ARHGAP21: variants seen among roughly 807,000 people sequenced by gnomAD.
ARHGAP21 encodes the protein Rho GTPase activating protein 21, also known as rho GTPase-activating protein 21.
In ARHGAP21, 38 loss-of-function variants were observed where a neutral mutation model predicts 164.6. That is an observed-to-expected ratio of 0.23 (90% CI 0.18 to 0.30). ARHGAP21 has a LOEUF of 0.30. Among genes scored for constraint, ARHGAP21 ranks in the 10% least tolerant of loss-of-function variants. The pLI, the probability that ARHGAP21 is intolerant of heterozygous loss-of-function variation, is 1.00. For synonymous variants in ARHGAP21, 766 were observed against 857.9 expected, an observed-to-expected ratio of 0.89 and a Z score of 1.87; for missense variants, 1,822 against 2,370.7, an observed-to-expected ratio of 0.77 and a Z score of 4.81.
chr10:24,716,764 C>T (rs562450415), intron 2 of ARHGAP21, among the ~76,000 whole-genome samples: 1 of 152,224 alleles, frequency 6.6e-6, no homozygotes, highest in South Asian at 2.1e-4. Context: ...AATCAGTCAA[C>T]CAGATCCACA....
intron 2 of ARHGAP21, among the ~76,000 whole-genome samples, chr10:24,708,817 C>T (rs1024372430): frequency 2.0e-5 from 3 of 152,218 alleles, no homozygotes; most frequent in Middle Eastern, 3.2e-3. Context: ...AAATATACCA[C>T]ATTGTCTTTG....
intron 4 of ARHGAP21, among the ~76,000 whole-genome samples, chr10:24,638,249 A>G (rs190411008): frequency 6.6e-6 from 1 of 152,258 alleles, no homozygotes; most frequent in East Asian, 1.9e-4. Context: ...AGAGAGAAAA[A>G]CATTTCCTGT....
At chr10:24,641,953 G>A (rs111435756) in intron 4 of ARHGAP21, among the ~76,000 whole-genome samples, 35,809 of 149,948 alleles carry the variant, frequency 0.24, 5,001 homozygotes, top group East Asian at 0.31. Context: ...CCTAGACTGC[G>A]CCACTGCACT....
intron 12 of ARHGAP21, among the ~76,000 whole-genome samples, chr10:24,603,599 G>C (rs1004255561): frequency 2.0e-5 from 3 of 152,118 alleles, no homozygotes; most frequent in Admixed American, 1.3e-4. Flanking sequence ...GAAGTGAGAG[G>C]CAAGAGAATC....
intron 4 of ARHGAP21, among the ~76,000 whole-genome samples, chr10:24,657,187 A>C (rs372985736): frequency 5.2e-4 from 3 of 5,808 alleles, no homozygotes; most frequent in Admixed American, 1.3e-3. Context: ...CTGCCCGGCC[A>C]CCCCTACTGG....
intron 4 of ARHGAP21, among the ~76,000 whole-genome samples, chr10:24,663,430 T>C (rs181908304): frequency 1.3e-5 from 2 of 152,326 alleles, no homozygotes; most frequent in African/African-American, 4.8e-5. Flanking sequence ...GCCAGACTCA[T>C]GGCCTATACA....
At chr10:24,676,641 C>T (rs1240703489) in intron 2 of ARHGAP21, among the ~76,000 whole-genome samples, 2 of 152,030 alleles carry the variant, frequency 1.3e-5, no homozygotes, top group Admixed American at 6.6e-5. Flanking sequence ...CGCAATATAC[C>T]CAGGTAACAA....
At chr10:24,709,678 A>G (rs1050778277) in intron 2 of ARHGAP21, among the ~76,000 whole-genome samples, 1 of 151,854 alleles carries the variant, frequency 6.6e-6, no homozygotes, top group African/African-American at 2.4e-5. Flanking sequence ...GGTCGAGGCT[A>G]CAGTAAGCCA....
At chr10:24,658,032 C>A (rs1470860118) in intron 4 of ARHGAP21, among the ~76,000 whole-genome samples, 2 of 78,620 alleles carry the variant, frequency 2.5e-5, no homozygotes, top group African/African-American at 5.5e-5. Context: ...GTGAGAAACA[C>A]CCAAGAATTA....
At chr10:24,628,872 TAC>T (rs1565053511) in intron 7 of ARHGAP21, 4 of 108,702 alleles carry the variant, frequency 3.7e-5, no homozygotes, top group African/African-American at 7.3e-5. Flanking sequence ...CATATATACA[TAC>T]ATATATACAC....
intron 4 of ARHGAP21, among the ~76,000 whole-genome samples, chr10:24,658,987 T>C (rs1839389790): frequency 6.6e-6 from 1 of 152,176 alleles, no homozygotes. Context: ...CACAGTGAGA[T>C]ACCACTTCAC....
intron 2 of ARHGAP21, among the ~76,000 whole-genome samples, chr10:24,690,321 G>A (rs1317319215): frequency 6.6e-6 from 1 of 152,070 alleles, no homozygotes; most frequent in African/African-American, 2.4e-5. Context: ...ATATTTTAAA[G>A]TGCCATCCAG....
rs553522496 is a variant in ARHGAP21 at position 24,599,912 on chromosome 10, T to C, written c.3132+734A>G. ...ACTTTGGGAGGCCGAGGCGGGCAGA[T>C]CACAAGGTCAGGAGATAGAGACCAT... On this transcript the variant is annotated intron_variant, in intron 14 of 25. Transcript: ENST00000396432. 5.3e-5 allele frequency among the ~76,000 whole-genome samples: 8 copies of C among 152,154 alleles called. 1 individual carries two copies. The South Asian group carries it at 1.7e-3, about 32-fold the overall frequency.
rs146050722 is a variant in ARHGAP21 at position 24,584,635 on chromosome 10, G to A, written c.5654C>T (p.Thr1885Met). 5.7e-4 allele frequency: 912 copies of A among 1,613,964 alleles called. 10 individuals are homozygous for A. The East Asian group carries it at 0.016, about 29-fold the overall frequency. Residue 1885 changes from threonine to methionine, a missense_variant, in exon 26 of 26, where the codon ACG becomes ATG. Thr to Met is a moderately conservative substitution (Grantham distance 81, BLOSUM62 -1). Transcript: ENST00000396432. ...ATGAAGAGACAAAGGTGTGTCGGTC[G>A]TGGCTATTTCTCGTGTGCTTGGGTT... is the stretch of plus-strand genomic sequence containing the variant. Reference protein sequence around the residue: ...TENPSTREIATTDTPLSLHCN... With the variant: ...TENPSTREIAMTDTPLSLHCN...
chr10:24,621,002 G>C lies in ARHGAP21; in HGVS notation c.893C>G (p.Thr298Ser), dbSNP rs774514377. 1 of 1,613,976 alleles carries C rather than the reference G, an allele frequency of 6.2e-7. No homozygotes were observed. ...ACTCACGCCATACCTCACTTCTTCA[G>C]TTCTATGTGAAGGACCTGTATGGTT... ...RNNHTGPSHR[T>S]EEVRYGVSEQ... Residue 298 changes from threonine to serine, a missense_variant, in exon 9 of 26, where the codon ACT (threonine) becomes AGT (serine). This residue lies in a region of ARHGAP21 where 1,090 missense variants were observed against 1,378.9 expected (regional missense o/e 0.79). Coordinates refer to ENST00000396432, the MANE Select transcript of ARHGAP21 (RefSeq NM_020824.4).
chr10:24,664,671 CT>C (rs1840030112), intron 4 of ARHGAP21, among the ~76,000 whole-genome samples: 1 of 151,528 alleles, frequency 6.6e-6, no homozygotes, highest in Non-Finnish European at 1.5e-5. Flanking sequence ...CATAATTGAC[CT>C]TATATTTTAT....
chr10:24,585,947 C>T lies in ARHGAP21; in HGVS notation c.4342G>A (p.Glu1448Lys). Reference sequence around the variant, plus strand: ...TCTTTAGTATCATTGTGACACTGTTCCACATTTTCTTTCTTAAAAAATACA... The same window carrying T: ...TCTTTAGTATCATTGTGACACTGTTTCACATTTTCTTTCTTAAAAAATACA... ...DNVFFKKENV[E>K]QCHNDTKEES... Residue 1448 changes from glutamate to lysine, a missense_variant, in exon 26 of 26, where the codon GAA becomes AAA. Physicochemically the swap from Glu to Lys is moderately conservative, Grantham distance 56. Transcript: ENST00000396432. The T allele has an allele frequency of 5.0e-6, 8 of 1,614,090 alleles. No homozygotes were observed. Among genetic ancestry groups the T allele is most frequent in the Non-Finnish European group, 6.8e-6 (8 of 1,180,018 alleles).
At chr10:24,664,288 G>A (rs1445975089) in intron 4 of ARHGAP21, among the ~76,000 whole-genome samples, 1 of 152,138 alleles carries the variant, frequency 6.6e-6, no homozygotes, top group Non-Finnish European at 1.5e-5. Flanking sequence ...CAGGTGCAGT[G>A]GCTCATGCCT....
chr10:24,723,428 C>T (rs1389993128), intron 1 of ARHGAP21, 134 bp downstream of exon 1: 15 of 147,084 alleles, frequency 1.0e-4, no homozygotes, highest in Admixed American at 2.0e-4. Context: ...CCGCGGGCTC[C>T]CTCCGGCCCC....
Sources: gnomAD v4.1 joint callset for allele counts (sites outside exome capture counted in the v4.1 genomes callset) on GRCh38, gnomAD v4.1.1 for gene constraint, gnomAD v4.1.1 regional missense constraint, MANE v1.5 for transcripts, NCBI Gene and HGNC (gene_info 2026-07-23, HGNC 2026-07-21) for gene names.